COL22A1: variants seen among roughly 807,000 people sequenced by gnomAD.
The protein encoded by COL22A1 is collagen alpha-1(XXII) chain.
A neutral mutation model predicts 248.9 loss-of-function variants in COL22A1; 221 were observed. The ratio of observed to expected loss-of-function variants is 0.89; its 90% CI spans 0.80 to 0.99. COL22A1 has a LOEUF of 0.99. Ranked by LOEUF, COL22A1 falls within the 50% of genes least tolerant of loss-of-function variation. COL22A1 has a pLI of 0.00. For missense variants in COL22A1, 2,240 were observed against 2,179.0 expected, an observed-to-expected ratio of 1.03 and a Z score of -0.56; for synonymous variants, 891 against 793.4, an observed-to-expected ratio of 1.12 and a Z score of -2.07.
intron 30 of COL22A1, among the ~76,000 whole-genome samples, chr8:138,707,915 G>T (rs1433289707): frequency 6.6e-6 from 1 of 152,180 alleles, no homozygotes; most frequent in African/African-American, 2.4e-5. Flanking sequence ...ATCTCCTTAA[G>T]CTGAGAAGCA....
At chr8:138,859,221 C>A (rs1822264837) in intron 3 of COL22A1, among the ~76,000 whole-genome samples, 1 of 152,228 alleles carries the variant, frequency 6.6e-6, no homozygotes, top group Non-Finnish European at 1.5e-5. Flanking sequence ...CAAACTCACA[C>A]AGTCGTGACC....
At chr8:138,774,035 C>A (rs1834613951) in intron 16 of COL22A1, among the ~76,000 whole-genome samples, 1 of 152,128 alleles carries the variant, frequency 6.6e-6, no homozygotes, top group Non-Finnish European at 1.5e-5. Flanking sequence ...ACTCCAAATG[C>A]CACTTTTATG....
chr8:138,792,957 A>G (rs1299079852), intron 12 of COL22A1, among the ~76,000 whole-genome samples: 1 of 152,164 alleles, frequency 6.6e-6, no homozygotes, highest in South Asian at 2.1e-4. Context: ...TGTTCTCCTC[A>G]TCCTTGAAAT....
At chr8:138,628,356 G>A (rs145364935) in intron 50 of COL22A1, among the ~76,000 whole-genome samples, 2,212 of 151,348 alleles carry the variant, frequency 0.015, 55 homozygotes, top group African/African-American at 0.05. Context: ...GGAAGCCAAG[G>A]CAGGAGGAAC....
rs138591562 is a variant in COL22A1, at chr8:138,826,729, G to A, written c.898C>T (p.Arg300Trp). Residue 300 changes from arginine to tryptophan, a missense_variant, in exon 6 of 65, where the codon CGG (arginine) becomes TGG (tryptophan). Arg to Trp is a moderately radical substitution (Grantham distance 101). Coordinates refer to ENST00000303045, the MANE Select transcript of COL22A1 (RefSeq NM_152888.3). ...PDEYAFVTTF[R>W]FRKTSRKEDW... is the part of the protein sequence containing the mutation. ...TCCTTCCGAGAGGTTTTCCTGAACC[G>A]GAAGGTTGTGACAAAGGCGTACTCA... 21 of 1,613,840 alleles carry A rather than the reference G, an allele frequency of 1.3e-5. No individual in the cohort carries two copies. The highest frequency in any genetic ancestry group is 2.7e-5 in the African/African-American group (2 of 74,878).
intron 4 of COL22A1, among the ~76,000 whole-genome samples, chr8:138,841,987 G>A (rs963944146): frequency 2.0e-5 from 3 of 152,106 alleles, no homozygotes; most frequent in South Asian, 2.1e-4. Context: ...AGACAAATAC[G>A]GCTTTCAGTT....
At chr8:138,833,433 G>A (rs1156617024) in intron 4 of COL22A1, among the ~76,000 whole-genome samples, 1 of 152,194 alleles carries the variant, frequency 6.6e-6, no homozygotes, top group African/African-American at 2.4e-5. Context: ...GACAAATGGA[G>A]GGTGTCCTGG....
chr8:138,727,882 TC>T (rs1830439702), intron 23 of COL22A1, among the ~76,000 whole-genome samples: 1 of 152,110 alleles, frequency 6.6e-6, no homozygotes, highest in Non-Finnish European at 1.5e-5. Flanking sequence ...TAAAGAAGCC[TC>T]CCGGCCTTGC....
At chr8:138,623,260 T>TATATATATATATATATATATATATATA (rs1564109173) in intron 52 of COL22A1, among the ~76,000 whole-genome samples, 2 of 52,490 alleles carry the variant, frequency 3.8e-5, no homozygotes, top group African/African-American at 1.4e-4. Context: ...ATATATATAT[T>TATATATATATATATATATATATATATA]TATGTGTGTG....
chr8:138,775,850 A>G (rs748656008), intron 16 of COL22A1, 116 bp downstream of exon 16: 9 of 983,586 alleles, frequency 9.2e-6, no homozygotes, highest in Non-Finnish European at 1.5e-5. Flanking sequence ...ATGTGCACAC[A>G]TGCACACACA....
chr8:138,706,193 C>G (rs1018472126), intron 30 of COL22A1, among the ~76,000 whole-genome samples: 1 of 152,252 alleles, frequency 6.6e-6, no homozygotes, highest in East Asian at 1.9e-4. Context: ...TAATGGGAGA[C>G]TTTAACACCC....
At chr8:138,642,106 T>C (rs1821763667) in intron 47 of COL22A1, among the ~76,000 whole-genome samples, 1 of 152,156 alleles carries the variant, frequency 6.6e-6, no homozygotes, top group South Asian at 2.1e-4. Context: ...CATTAGCAGA[T>C]ATAGTGTAGA....
At chr8:138,872,216 G>A (rs752572371) in intron 3 of COL22A1, among the ~76,000 whole-genome samples, 6 of 152,114 alleles carry the variant, frequency 3.9e-5, no homozygotes, top group African/African-American at 9.7e-5. Context: ...AAGTGGAAGC[G>A]CCCAGGAGTC....
intron 62 of COL22A1, among the ~76,000 whole-genome samples, chr8:138,596,664 T>C (rs1296036832): frequency 6.6e-6 from 1 of 152,212 alleles, no homozygotes; most frequent in Admixed American, 6.5e-5. Flanking sequence ...TTTTTGTAGA[T>C]AGTGAGCTCT....
At chr8:138,674,085 C>T (rs1278213685) in intron 41 of COL22A1, among the ~76,000 whole-genome samples, 1 of 152,174 alleles carries the variant, frequency 6.6e-6, no homozygotes, top group Non-Finnish European at 1.5e-5. Context: ...CACTTTGTCA[C>T]TTCCTAAGTA....
chr8:138,664,692 T>G (rs1824340875), intron 41 of COL22A1, among the ~76,000 whole-genome samples: 1 of 152,184 alleles, frequency 6.6e-6, no homozygotes, highest in Admixed American at 6.5e-5. Flanking sequence ...GAGTCTGCAT[T>G]CTTACCATGC....
At chr8:138,706,715 A>G (rs1457068641) in intron 30 of COL22A1, among the ~76,000 whole-genome samples, 3 of 152,242 alleles carry the variant, frequency 2.0e-5, no homozygotes, top group Non-Finnish European at 4.4e-5. Context: ...CCCTAACATC[A>G]CAATTAAAAG....
intron 30 of COL22A1, among the ~76,000 whole-genome samples, chr8:138,711,092 T>C (rs1828926505): frequency 6.6e-6 from 1 of 152,192 alleles, no homozygotes; most frequent in Admixed American, 6.5e-5. Flanking sequence ...ATGGGGGCTC[T>C]CTGCCTTTGG....
rs1815639549 is a variant in COL22A1, at chr8:138,914,019, T to C, written c.-473A>G. The C allele has an allele frequency of 6.6e-6, 1 of 152,254 alleles. No individual in the cohort carries two copies. The highest frequency in any genetic ancestry group is 2.4e-5 in the African/African-American group (1 of 41,426). 9.4% of individuals were successfully genotyped at this position (152,254 alleles called of 1,614,324 possible). On this transcript the variant is annotated 5_prime_UTR_variant, in exon 1 of 65. Coordinates refer to ENST00000303045, the MANE Select transcript of COL22A1 (RefSeq NM_152888.3). ...GCCACTGCCCAGGAACAAAGCTGTC[T>C]GGAGCCTCCCCAGGGGCAAGCTGGC...
Sources: gnomAD v4.1 joint callset for allele counts (sites outside exome capture counted in the v4.1 genomes callset) on GRCh38, gnomAD v4.1.1 for gene constraint, MANE v1.5 for transcripts, NCBI Gene and HGNC (gene_info 2026-07-23, HGNC 2026-07-21) for gene names.